The following CRLF3 variants were observed in gnomAD, a reference collection of about 807,000 sequenced individuals.
CRLF3 encodes cytokine receptor like factor 3.
Under a neutral mutation model 55.0 loss-of-function variants are expected in CRLF3, and 33 were observed. The observed-to-expected ratio is 0.60, with a 90% CI of 0.46 to 0.80. The LOEUF (loss-of-function observed/expected upper bound fraction) is 0.80. Ranked by LOEUF, CRLF3 falls within the 30% of genes least tolerant of loss-of-function variation. CRLF3 has a pLI of 0.00. For synonymous variants in CRLF3, 238 were observed against 196.8 expected (o/e 1.21, Z -1.75); for missense variants, 494 against 538.4 (o/e 0.92, Z 0.82).
chr17:30,783,937 A>G lies in CRLF3; in HGVS notation c.*250T>C. On this transcript the variant is annotated 3_prime_UTR_variant, in exon 8 of 8. Coordinates refer to ENST00000324238, the MANE Select transcript of CRLF3 (RefSeq NM_015986.4). ...ACTTCCTATATCTTCTATACTTTTA[A>G]TGCCAATTTGATTTTTATTGTGATG... 1 of 420,766 alleles carries G rather than the reference A, an allele frequency of 2.4e-6. No homozygotes were observed. Among genetic ancestry groups the G allele is most frequent in the South Asian group, 3.5e-5 (1 of 28,354 alleles). 26.1% of individuals were successfully genotyped at this position (420,766 alleles called of 1,614,324 possible). A position where few individuals can be genotyped will look rare whatever the true frequency, so the allele number is the denominator to read the frequency against.
intron 1 of CRLF3, among the ~76,000 whole-genome samples, chr17:30,811,741 T>G (rs1442778961): frequency 2.2e-5 from 3 of 134,474 alleles, no homozygotes; most frequent in East Asian, 4.3e-4. Context: ...GAGGTGGAGG[T>G]TGCAGTGAGC....
At chr17:30,814,676 C>A (rs888210759) in intron 1 of CRLF3, among the ~76,000 whole-genome samples, 1 of 149,370 alleles carries the variant, frequency 6.7e-6, no homozygotes, top group African/African-American at 2.5e-5. Flanking sequence ...AAAAATAGTT[C>A]TCTATCAAAA....
intron 1 of CRLF3, among the ~76,000 whole-genome samples, chr17:30,813,030 C>G (rs965668678): frequency 2.0e-5 from 3 of 152,116 alleles, no homozygotes; most frequent in Non-Finnish European, 4.4e-5. Flanking sequence ...CCAAGCAAAA[C>G]CAGGAGAACT....
At position 30,792,496 on chromosome 17, in the gene CRLF3, C is replaced by T. The variant is rs977894652; in HGVS notation, c.903G>A (p.Ser301=). The T allele has an allele frequency of 4.2e-5, 68 of 1,612,978 alleles. No individual in the cohort carries two copies. The highest frequency in any genetic ancestry group is 5.3e-5 in the Non-Finnish European group (62 of 1,179,012). ...TCGGAGCTCTGGAGTAGAGAACACC[C>T]GATGATTCAGAATCGTTCCGAAGTG... is the stretch of plus-strand genomic sequence containing the variant. ...NIALRNDSES[S]GVLYSRAPTY... is the part of the protein sequence containing the mutation. Residue 301 remains serine (S), a synonymous_variant, in exon 6 of 8, where the codon TCG becomes TCA. Coordinates refer to ENST00000324238, the MANE Select transcript of CRLF3 (RefSeq NM_015986.4).
At position 30,783,117 on chromosome 17, in the gene CRLF3, T is replaced by C. The variant is rs1971537742; in HGVS notation, c.*1070A>G. ...TTAAACTGGACTGCAGCTCATTCTC[T>C]GCAAAGAGTAAAATGCATGTCACAG... is the stretch of plus-strand genomic sequence containing the variant. On this transcript the variant is annotated 3_prime_UTR_variant, in exon 8 of 8. Transcript: ENST00000324238. 1 of 152,212 alleles carries C rather than the reference T, an allele frequency of 6.6e-6. No individual in the cohort carries two copies. Among genetic ancestry groups the C allele is most frequent in the Non-Finnish European group, 1.5e-5 (1 of 68,044 alleles). 9.4% of individuals were successfully genotyped at this position (152,212 alleles called of 1,614,324 possible). A position where few individuals can be genotyped will look rare whatever the true frequency, so the allele number is the denominator to read the frequency against.
At position 30,808,333 on chromosome 17, in the gene CRLF3, G is replaced by T. The variant is rs191380786; in HGVS notation, c.130-4225C>A. ...ATGGAGTTTTGCTCTTGTTACCCAG[G>T]CTGCAGTGCAATGGAGCAATCTTGG... is the stretch of plus-strand genomic sequence containing the variant. On this transcript the variant is annotated intron_variant, in intron 1 of 7. Transcript: ENST00000324238. Among the ~76,000 whole-genome samples, 673 of 133,320 alleles carry T rather than the reference G, an allele frequency of 5.0e-3. 3 individuals are homozygous for T. Among genetic ancestry groups the T allele is most frequent in the Non-Finnish European group, 7.4e-3 (487 of 65,526 alleles). The allele number at this position is 133,320 out of a possible 152,430, so 87.5% of individuals were successfully genotyped here. A position where few individuals can be genotyped will look rare whatever the true frequency, so the allele number is the denominator to read the frequency against.
At chr17:30,811,280 C>A (rs914646242) in intron 1 of CRLF3, among the ~76,000 whole-genome samples, 2 of 151,676 alleles carry the variant, frequency 1.3e-5, no homozygotes, top group African/African-American at 4.8e-5. Context: ...CATGGTGAAA[C>A]CCTGTCGCTG....
At chr17:30,808,274 TATA>T (rs1203171415) in intron 1 of CRLF3, among the ~76,000 whole-genome samples, 3 of 104,948 alleles carry the variant, frequency 2.9e-5, no homozygotes, top group African/African-American at 7.8e-5. Context: ...CCCTAGAACC[TATA>T]TTTTTTTTTT....
chr17:30,804,511 C>A (rs1268475272), intron 1 of CRLF3, among the ~76,000 whole-genome samples: 1 of 152,212 alleles, frequency 6.6e-6, no homozygotes, highest in Non-Finnish European at 1.5e-5. Context: ...CCATCCCTGG[C>A]AAGCACCATT....
chr17:30,824,550 A>T lies in CRLF3; in HGVS notation c.102T>A (p.Leu34=), dbSNP rs748737082. Residue 34 remains leucine, a synonymous_variant, in exon 1 of 8, where the codon CTT becomes CTA. Transcript: ENST00000324238. ...QSYRRELGHR[L]EGLREARRQI... The stretch of plus-strand genomic sequence containing the variant: ...GCCTCCGCGCCTCACGCAGCCCCTC[A>T]AGCCGGTGACCCAGCTCCCGCCGGT... 3 of 1,598,198 alleles carry T rather than the reference A, an allele frequency of 1.9e-6. No individual in the cohort carries two copies. Among genetic ancestry groups the T allele is most frequent in the African/African-American group, 2.7e-5 (2 of 74,476 alleles).
At chr17:30,794,418 G>T (rs192935538) in intron 4 of CRLF3, among the ~76,000 whole-genome samples, 1 of 152,220 alleles carries the variant, frequency 6.6e-6, no homozygotes, top group East Asian at 1.9e-4. Flanking sequence ...CGTTCTACAG[G>T]AGAAGAAACA....
At chr17:30,820,398 C>T (rs961844581) in intron 1 of CRLF3, among the ~76,000 whole-genome samples, 9 of 152,104 alleles carry the variant, frequency 5.9e-5, no homozygotes, top group Non-Finnish European at 1.3e-4. Flanking sequence ...AAAGCAAAGA[C>T]AAAAGGTAGG....
chr17:30,811,630 C>A (rs1355168284), intron 1 of CRLF3, among the ~76,000 whole-genome samples: 1 of 151,172 alleles, frequency 6.6e-6, no homozygotes, highest in Non-Finnish European at 1.5e-5. Context: ...GGTGAAACCC[C>A]GTCTCTACTA....
intron 6 of CRLF3, 77 bp downstream of exon 6, chr17:30,792,363 G>T (rs1971821439): frequency 7.4e-7 from 1 of 1,348,486 alleles, no homozygotes; most frequent in African/African-American, 1.4e-5. Context: ...AGGATGTTTT[G>T]AATTCAAAGC....
chr17:30,815,865 CCTT>C lies in CRLF3; in HGVS notation c.129+8655_129+8657del, dbSNP rs376862138. ...GGCCAGAATGGCTTGTTTTAATTCT[CCTT>C]GACCTCCTTCTATATTTCTGGGGAG... On this transcript the variant is annotated intron_variant, in intron 1 of 7. Coordinates refer to ENST00000324238, the MANE Select transcript of CRLF3 (RefSeq NM_015986.4). Among the ~76,000 whole-genome samples, 1,311 of 151,112 alleles carry C rather than the reference CCTT, an allele frequency of 8.7e-3. 21 individuals carry two copies. Among genetic ancestry groups the C allele is most frequent in the African/African-American group, 0.03 (1,234 of 41,202 alleles).
chr17:30,807,944 A>C (rs2142265571), intron 1 of CRLF3, among the ~76,000 whole-genome samples: 1 of 152,308 alleles, frequency 6.6e-6, no homozygotes, highest in Middle Eastern at 3.4e-3. Context: ...TTTACCAAAG[A>C]ATTTCTGTGA....
Position 30,783,707 on chromosome 17 carries a change from A to C in CRLF3, c.*480T>G, listed in dbSNP as rs530270760. ...CAACACTGCTTACAAATACCTGAACATGGAGAGCACAGTCAACACATTCAT... is the reference window on the plus strand; with the variant it reads ...CAACACTGCTTACAAATACCTGAACCTGGAGAGCACAGTCAACACATTCAT... On this transcript the variant is annotated 3_prime_UTR_variant, in exon 8 of 8. Coordinates refer to ENST00000324238, the MANE Select transcript of CRLF3 (RefSeq NM_015986.4). The C allele has an allele frequency of 1.3e-3, 204 of 152,962 alleles. No individual in the cohort carries two copies. Among genetic ancestry groups the C allele is most frequent in the Non-Finnish European group, 2.2e-3 (149 of 68,562 alleles). 9.5% of individuals were successfully genotyped at this position (152,962 alleles called of 1,614,324 possible).
intron 1 of CRLF3, among the ~76,000 whole-genome samples, chr17:30,808,318 G>A (rs1184928644): frequency 1.3e-5 from 1 of 75,344 alleles, no homozygotes. Context: ...ATGGAGTTTT[G>A]CTCTTGTTAC....
At chr17:30,807,783 C>T (rs1382360980) in intron 1 of CRLF3, among the ~76,000 whole-genome samples, 1 of 152,072 alleles carries the variant, frequency 6.6e-6, no homozygotes, top group Non-Finnish European at 1.5e-5. Flanking sequence ...CTTAGCCTCC[C>T]AAAGTGCTGG....
Sources: gnomAD v4.1 joint callset for allele counts (sites outside exome capture counted in the v4.1 genomes callset) on GRCh38, gnomAD v4.1.1 for gene constraint, MANE v1.5 for transcripts, NCBI Gene and HGNC (gene_info 2026-07-23, HGNC 2026-07-21) for gene names.